ICA1L: variants seen among roughly 807,000 people sequenced by gnomAD.
ICA1L encodes islet cell autoantigen 1-like protein.
Under a neutral mutation model 61.3 loss-of-function variants are expected in ICA1L, and 50 were observed. The ratio of observed to expected loss-of-function variants is 0.82; its 90% CI spans 0.65 to 1.03. ICA1L has a LOEUF of 1.03. Ranked by LOEUF, ICA1L falls within the 50% of genes least tolerant of loss-of-function variation. The probability of loss-of-function intolerance (pLI) is 0.00; values close to 1 mark genes in which losing one functional copy is unlikely to be tolerated. For synonymous variants in ICA1L, 161 were observed against 191.3 expected (o/e 0.84, Z 1.31); for missense variants, 508 against 556.7 (o/e 0.91, Z 0.88).
At chr2:202,866,024 T>C (rs1424797961) in intron 1 of ICA1L, among the ~76,000 whole-genome samples, 1 of 152,196 alleles carries the variant, frequency 6.6e-6, no homozygotes, top group African/African-American at 2.4e-5. Flanking sequence ...CACAGTGCTA[T>C]TAAAAACTAT....
chr2:202,864,926 G>A (rs1442108738), intron 1 of ICA1L, among the ~76,000 whole-genome samples: 1 of 152,168 alleles, frequency 6.6e-6, no homozygotes, highest in East Asian at 1.9e-4. Flanking sequence ...CACTTCAGGA[G>A]GCTGAGGCAG....
intron 1 of ICA1L, among the ~76,000 whole-genome samples, chr2:202,850,365 C>T (rs189356980): frequency 9.9e-5 from 15 of 152,104 alleles, no homozygotes; most frequent in Admixed American, 5.9e-4. Flanking sequence ...TGTTCTAACC[C>T]AATGCAAGGA....
At chr2:202,840,382 CTCAA>C (rs1457859879) in intron 1 of ICA1L, 1 of 492,236 alleles carries the variant, frequency 2.0e-6, no homozygotes, top group African/African-American at 2.0e-5. Context: ...CATCGTGGAT[CTCAA>C]TCTTCTTCAC....
chr2:202,774,223 G>T lies in ICA1L; in HGVS notation c.*5310C>A. On this transcript the variant is annotated 3_prime_UTR_variant, in exon 13 of 13. Coordinates refer to ENST00000358299, the MANE Select transcript of ICA1L (RefSeq NM_001288622.3). Reference sequence around the variant, plus strand: ...CCAGCAGCGCCGGATCGAAGGCGCGGGGCGGCTCCTGAGTCTTCTCGCTCC... The same window carrying T: ...CCAGCAGCGCCGGATCGAAGGCGCGTGGCGGCTCCTGAGTCTTCTCGCTCC... 1.3e-6 allele frequency: 2 copies of T among 1,550,184 alleles called. No homozygotes were observed. Among genetic ancestry groups the T allele is most frequent in the Non-Finnish European group, 1.7e-6 (2 of 1,146,480 alleles).
intron 1 of ICA1L, among the ~76,000 whole-genome samples, chr2:202,838,519 G>A (rs1694215738): frequency 6.6e-6 from 1 of 151,954 alleles, no homozygotes; most frequent in South Asian, 2.1e-4. Flanking sequence ...TTGACAGTGG[G>A]GTATTAAAGT....
At chr2:202,853,919 T>C (rs1216569342) in intron 1 of ICA1L, among the ~76,000 whole-genome samples, 1 of 152,070 alleles carries the variant, frequency 6.6e-6, no homozygotes, top group Non-Finnish European at 1.5e-5. Flanking sequence ...GAAAAACCAG[T>C]ACCAGCCACT....
At chr2:202,784,908 CAAACT>C (rs1692532494) in intron 12 of ICA1L, among the ~76,000 whole-genome samples, 1 of 152,036 alleles carries the variant, frequency 6.6e-6, no homozygotes, top group South Asian at 2.1e-4. Flanking sequence ...TTAATATTAC[CAAACT>C]GTACTCTTAA....
At chr2:202,789,543 A>C (rs1342941786) in intron 10 of ICA1L, among the ~76,000 whole-genome samples, 1 of 152,196 alleles carries the variant, frequency 6.6e-6, no homozygotes, top group Non-Finnish European at 1.5e-5. Context: ...AAATGTACAA[A>C]AGTTGATTAT....
At chr2:202,812,848 A>G (rs759389023) in intron 8 of ICA1L, among the ~76,000 whole-genome samples, 5 of 152,186 alleles carry the variant, frequency 3.3e-5, no homozygotes, top group African/African-American at 4.8e-5. Context: ...AGTTAACTTG[A>G]AAAGTAGCTC....
intron 1 of ICA1L, among the ~76,000 whole-genome samples, chr2:202,856,503 A>C (rs1415533849): frequency 6.6e-6 from 1 of 152,168 alleles, no homozygotes; most frequent in Non-Finnish European, 1.5e-5. Flanking sequence ...AGCTATTTAA[A>C]ACAAACCCAT....
chr2:202,840,936 T>C lies in ICA1L; in HGVS notation c.-7-11920A>G, dbSNP rs371367578. 1.7e-3 allele frequency: 1,238 copies of C among 721,250 alleles called. 16 individuals are homozygous for C. The highest frequency in any genetic ancestry group is 0.016 in the South Asian group (1,202 of 74,240). 44.7% of individuals were successfully genotyped at this position (721,250 alleles called of 1,614,324 possible). A position where few individuals can be genotyped will look rare whatever the true frequency, so the allele number is the denominator to read the frequency against. On this transcript the variant is annotated intron_variant, in intron 1 of 12. Transcript: ENST00000358299. ...CTGCAGTTCCTCATACTTGATCTGG[T>C]ACATGCTCTCAGCCTCAGCCTGGCT...
At chr2:202,781,555 CAG>C (rs1479729168) in intron 12 of ICA1L, among the ~76,000 whole-genome samples, 1 of 147,216 alleles carries the variant, frequency 6.8e-6, no homozygotes. Context: ...GCCTGGGTGA[CAG>C]AGTGTGACCC....
At chr2:202,817,617 G>A in intron 5 of ICA1L, 74 bp from the exon 6 acceptor site, 1 of 686,216 alleles carries the variant, frequency 1.5e-6, no homozygotes, top group Non-Finnish European at 2.2e-6. Flanking sequence ...CATAAATATA[G>A]TATACAGGTT....
chr2:202,810,810 T>C (rs1693354917), intron 9 of ICA1L, among the ~76,000 whole-genome samples: 1 of 152,154 alleles, frequency 6.6e-6, no homozygotes, highest in East Asian at 1.9e-4. Context: ...AATGGCTGCT[T>C]TGGGGGCAGC....
chr2:202,856,213 C>T (rs1363010244), intron 1 of ICA1L, among the ~76,000 whole-genome samples: 1 of 151,998 alleles, frequency 6.6e-6, no homozygotes, highest in Non-Finnish European at 1.5e-5. Context: ...TGATGAATAT[C>T]GATGCCAAAA....
At chr2:202,833,084 GA>G (rs138628131) in intron 1 of ICA1L, among the ~76,000 whole-genome samples, 13,660 of 150,026 alleles carry the variant, frequency 0.091, 750 homozygotes, top group Non-Finnish European at 0.13. Flanking sequence ...TCTATATAGG[GA>G]AAAAAAAAGA....
intron 10 of ICA1L, among the ~76,000 whole-genome samples, chr2:202,794,061 T>TTGTC (rs1204141142): frequency 2.6e-5 from 4 of 151,708 alleles, no homozygotes; most frequent in African/African-American, 9.7e-5. Context: ...AAGCTGGACT[T>TTGTC]ACAACTGGAA....
At chr2:202,801,515 A>G (rs1693085789) in intron 9 of ICA1L, among the ~76,000 whole-genome samples, 1 of 152,210 alleles carries the variant, frequency 6.6e-6, no homozygotes, top group African/African-American at 2.4e-5. Context: ...TTAAAGTAAA[A>G]TTTCTCAAAG....
intron 1 of ICA1L, chr2:202,871,269 C>T (rs974593680): frequency 2.0e-5 from 3 of 152,226 alleles, no homozygotes; most frequent in Non-Finnish European, 2.9e-5. Flanking sequence ...CCAAACGAGC[C>T]CCAGGCTGCC....
Sources: allele counts gnomAD v4.1 joint callset (sites outside exome capture counted in the v4.1 genomes callset), GRCh38; gene constraint gnomAD v4.1.1; transcripts MANE v1.5; gene names NCBI Gene and HGNC (gene_info 2026-07-23, HGNC 2026-07-21).